Variants in NFIB observed in about 807,000 individuals in gnomAD.
NFIB encodes the protein nuclear factor 1 B-type.
In NFIB, 11 loss-of-function variants were observed where a neutral mutation model predicts 61.5. The ratio of observed to expected loss-of-function variants is 0.18; its 90% CI spans 0.11 to 0.30. NFIB has a LOEUF of 0.30. NFIB is among the 10% of genes least tolerant of loss of function. The pLI, the probability that NFIB is intolerant of heterozygous loss-of-function variation, is 1.00. For missense variants in NFIB, 471 were observed against 608.9 expected (o/e 0.77, Z 2.38); for synonymous variants, 260 against 216.5 (o/e 1.20, Z -1.76).
intron 2 of NFIB, among the ~76,000 whole-genome samples, chr9:14,283,562 T>C (rs2058518429): frequency 6.6e-6 from 1 of 152,230 alleles, no homozygotes; most frequent in Non-Finnish European, 1.5e-5. Flanking sequence ...GGACTCCTCT[T>C]TCAGGGCAAG....
At chr9:14,327,134 G>C (rs2132839707) in intron 1 of NFIB, among the ~76,000 whole-genome samples, 1 of 152,180 alleles carries the variant, frequency 6.6e-6, no homozygotes, top group East Asian at 1.9e-4. Context: ...AAAAAACAGA[G>C]GCATCTGGCA....
At chr9:14,088,866 CATGTTTAAGGTAGGCCCATGCATA>C (rs1198952798) in intron 10 of NFIB, among the ~76,000 whole-genome samples, 1 of 152,128 alleles carries the variant, frequency 6.6e-6, no homozygotes, top group African/African-American at 2.4e-5. Flanking sequence ...AAAAAAACTA[CATGTTTAAGGTAGGCCCATGCATA>C]ACATACAATT....
At chr9:14,196,387 G>T (rs2048469806) in intron 2 of NFIB, among the ~76,000 whole-genome samples, 1 of 152,072 alleles carries the variant, frequency 6.6e-6, no homozygotes. Context: ...TCATTAGAAG[G>T]CAAGGTCTGA....
the NFIB span, among the ~76,000 whole-genome samples, chr9:14,443,116 C>A: frequency 6.7e-6 from 1 of 149,220 alleles, no homozygotes; most frequent in Non-Finnish European, 1.5e-5. Flanking sequence ...GAGGCCGACT[C>A]ACAGAGCTTT....
intron 1 of NFIB, among the ~76,000 whole-genome samples, chr9:14,378,198 GTAT>G (rs916587189): frequency 6.6e-6 from 1 of 152,124 alleles, no homozygotes; most frequent in African/African-American, 2.4e-5. Context: ...CTTCAGAATG[GTAT>G]TATAAACATT....
chr9:14,405,100 A>G, the NFIB span, among the ~76,000 whole-genome samples: 12 of 152,212 alleles, frequency 7.9e-5, no homozygotes, highest in African/African-American at 2.9e-4. Flanking sequence ...ATATCACTTC[A>G]GGTCTGATCC....
chr9:14,207,053 G>C (rs2049815175), intron 2 of NFIB, among the ~76,000 whole-genome samples: 1 of 152,186 alleles, frequency 6.6e-6, no homozygotes, highest in African/African-American at 2.4e-5. Context: ...CAGTCATTGA[G>C]TATTTGTTTA....
chr9:14,442,092 C>G, the NFIB span, among the ~76,000 whole-genome samples: 1 of 152,138 alleles, frequency 6.6e-6, no homozygotes, highest in East Asian at 1.9e-4. Flanking sequence ...GGTGAAGGAG[C>G]TTGCTCAGGA....
chr9:14,094,330 A>AT (rs1727854395), intron 10 of NFIB: 1 of 152,108 alleles, frequency 6.6e-6, no homozygotes, highest in Non-Finnish European at 1.5e-5. Flanking sequence ...TTCAGCACAA[A>AT]TAACTGTGCT....
intron 1 of NFIB, among the ~76,000 whole-genome samples, chr9:14,353,690 C>G (rs1013947128): frequency 3.9e-5 from 6 of 152,078 alleles, no homozygotes; most frequent in African/African-American, 1.4e-4. Context: ...TGCGAGCTGA[C>G]GTGGAGACCC....
the NFIB span, among the ~76,000 whole-genome samples, chr9:14,447,978 A>G: frequency 6.6e-6 from 1 of 152,202 alleles, no homozygotes; most frequent in Non-Finnish European, 1.5e-5. Flanking sequence ...GAAGTCCTCT[A>G]TTGATACTTT....
intron 2 of NFIB, among the ~76,000 whole-genome samples, chr9:14,254,676 T>C (rs570960820): frequency 2.0e-5 from 3 of 152,304 alleles, no homozygotes; most frequent in African/African-American, 4.8e-5. Context: ...TAATGATACA[T>C]AGGTTCCTGA....
the NFIB span, among the ~76,000 whole-genome samples, chr9:14,529,637 T>A: frequency 6.6e-6 from 1 of 152,162 alleles, no homozygotes; most frequent in Non-Finnish European, 1.5e-5. Context: ...ATTAATTAGG[T>A]TTTCCACAAA....
chr9:14,463,034 C>T, the NFIB span, among the ~76,000 whole-genome samples: 2 of 151,984 alleles, frequency 1.3e-5, no homozygotes, highest in African/African-American at 4.8e-5. Flanking sequence ...CACAGGGAAG[C>T]TTGTCCATAA....
chr9:14,241,816 C>T (rs1317371298), intron 2 of NFIB, among the ~76,000 whole-genome samples: 2 of 152,158 alleles, frequency 1.3e-5, no homozygotes, highest in African/African-American at 4.8e-5. Flanking sequence ...TCTTCCTCTC[C>T]TTATAGACAC....
intron 1 of NFIB, among the ~76,000 whole-genome samples, chr9:14,339,201 T>C (rs2060921514): frequency 6.6e-6 from 1 of 152,172 alleles, no homozygotes; most frequent in East Asian, 1.9e-4. Flanking sequence ...CAAAAATTGC[T>C]TTCACGTAAA....
intron 6 of NFIB, among the ~76,000 whole-genome samples, chr9:14,133,716 G>T (rs1308550507): frequency 1.3e-5 from 2 of 152,186 alleles, no homozygotes; most frequent in African/African-American, 2.4e-5. Flanking sequence ...ATTTATAAGT[G>T]TATGAGTGTT....
chr9:14,441,350 T>C, the NFIB span, among the ~76,000 whole-genome samples: 3 of 152,284 alleles, frequency 2.0e-5, no homozygotes, highest in Admixed American at 6.5e-5. Context: ...CAAGGCTCAG[T>C]GGGTCTGCGC....
intron 3 of NFIB, among the ~76,000 whole-genome samples, chr9:14,173,845 CT>C (rs1462661164): frequency 2.0e-5 from 3 of 152,068 alleles, no homozygotes; most frequent in Admixed American, 6.6e-5. Flanking sequence ...AAATTGTCCC[CT>C]TTTTTTGACT....
Sources: allele counts gnomAD v4.1 joint callset (sites outside exome capture counted in the v4.1 genomes callset), GRCh38; gene constraint gnomAD v4.1.1; transcripts MANE v1.5; gene names NCBI Gene and HGNC (gene_info 2026-07-23, HGNC 2026-07-21).